NEU3: variants seen among roughly 807,000 people sequenced by gnomAD.
The protein encoded by NEU3 is sialidase-3.
NEU3 carries 10 observed loss-of-function variants against 11.4 expected under a neutral mutation model. The ratio of observed to expected loss-of-function variants is 0.88; its 90% confidence interval spans 0.54 to 1.49. NEU3 has a LOEUF of 1.49. Ranked by LOEUF, NEU3 falls within the 40% of genes most tolerant of loss-of-function variation. NEU3 has a pLI of 0.00. For missense variants in NEU3, 529 were observed against 581.8 expected (o/e 0.91, Z 0.93); for synonymous variants, 212 against 228.2 (o/e 0.93, Z 0.64).
rs1228268227 is a variant in NEU3, at chr11:75,004,244, T to C, written c.307-1169T>C. ...GTATTGTCAAGCTTTATGATTTTGC[T>C]AATTTGATAGATGTAAAGTGTTATG... On this transcript the variant is annotated intron_variant, in intron 2 of 2. Transcript: ENST00000294064. 12 of 647,484 alleles carry C rather than the reference T, an allele frequency of 1.9e-5. No homozygotes were observed. In the Admixed American group the frequency reaches 3.1e-4, roughly 17 times the overall value. 40.1% of individuals were successfully genotyped at this position (647,484 alleles called of 1,614,324 possible). A position where few individuals can be genotyped will look rare whatever the true frequency, so the allele number is the denominator to read the frequency against.
intron 2 of NEU3, chr11:75,004,442 G>A: frequency 2.1e-6 from 1 of 468,814 alleles, no homozygotes; most frequent in Non-Finnish European, 3.8e-6. Context: ...TCTCTTATGA[G>A]TGAAGCTGAA....
the NEU3 span, among the ~76,000 whole-genome samples, chr11:74,982,310 G>T: frequency 2.0e-5 from 3 of 152,150 alleles, no homozygotes; most frequent in Admixed American, 2.0e-4. Context: ...TGGTAGTGGG[G>T]GTGGAGTGCT....
At chr11:75,013,478 A>G (rs1714253225), downstream of NEU3, among the ~76,000 whole-genome samples, 1 of 152,230 alleles carries the variant, frequency 6.6e-6, no homozygotes, top group African/African-American at 2.4e-5. Flanking sequence ...GACGACCGTC[A>G]TGCCTTGCCT....
the NEU3 span, among the ~76,000 whole-genome samples, chr11:74,981,210 A>T: frequency 6.6e-6 from 1 of 152,184 alleles, no homozygotes; most frequent in Non-Finnish European, 1.5e-5. Context: ...CTCTGTGACA[A>T]ACTGTTCTGG....
chr11:75,000,369 A>G (rs923387699), intron 2 of NEU3, among the ~76,000 whole-genome samples: 5 of 152,140 alleles, frequency 3.3e-5, no homozygotes, highest in African/African-American at 1.2e-4. Context: ...GAAAGTCTAC[A>G]CCCATTAAAC....
the NEU3 span, among the ~76,000 whole-genome samples, chr11:74,982,454 C>A: frequency 2.5e-3 from 378 of 152,306 alleles, 2 homozygotes; most frequent in African/African-American, 8.7e-3. Context: ...CATGCAGGAA[C>A]ACTCAGCGTT....
intron 3 of NEU3, among the ~76,000 whole-genome samples, chr11:75,018,354 C>T (rs928803817): frequency 1.3e-5 from 2 of 151,852 alleles, no homozygotes; most frequent in African/African-American, 4.8e-5. Flanking sequence ...AGGGTGTTGC[C>T]GAAGGAGACT....
intron 2 of NEU3, among the ~76,000 whole-genome samples, chr11:75,002,430 G>T (rs192882708): frequency 6.6e-6 from 1 of 152,234 alleles, no homozygotes; most frequent in African/African-American, 2.4e-5. Context: ...AGTATAAAAA[G>T]ATATATATCT....
downstream of NEU3, among the ~76,000 whole-genome samples, chr11:75,015,306 T>G (rs1948976075): frequency 6.6e-6 from 1 of 152,202 alleles, no homozygotes; most frequent in African/African-American, 2.4e-5. Flanking sequence ...ACACCAAATC[T>G]GCTGGTAGCT....
At chr11:74,996,826 A>G (rs1341320999) in intron 2 of NEU3, among the ~76,000 whole-genome samples, 1 of 152,246 alleles carries the variant, frequency 6.6e-6, no homozygotes, top group Non-Finnish European at 1.5e-5. Context: ...AGTGGCCGTG[A>G]AAACAACATT....
chr11:74,988,078 G>A (rs1948689355), upstream of NEU3: 1 of 151,912 alleles, frequency 6.6e-6, no homozygotes, highest in South Asian at 2.1e-4. Flanking sequence ...AAAATATCAC[G>A]AATTCAAATT....
rs1291698492 is a variant in NEU3 at position 75,005,793 on chromosome 11, C to G, written c.687C>G (p.Thr229=). The change falls in exon 3 of 3, where the codon ACC becomes ACG. Residue 229 remains threonine (T), a synonymous_variant. Transcript: ENST00000294064. ...TTTGCTTCCAGCTACCATGTAAAAC[C>G]AGGCCTCATTCTCTGATGATCTACA... ...WFFCFQLPCK[T]RPHSLMIYSD... The G allele has an allele frequency of 6.2e-7, 1 of 1,613,826 alleles. No homozygotes were observed. Among genetic ancestry groups the G allele is most frequent in the African/African-American group, 1.3e-5 (1 of 74,940 alleles).
At chr11:75,020,496 C>A (rs1001424926), downstream of NEU3, among the ~76,000 whole-genome samples, 91 of 152,222 alleles carry the variant, frequency 6.0e-4, no homozygotes, top group African/African-American at 2.1e-3. Context: ...CTCTCATGAT[C>A]GTGAACAAGT....
At chr11:74,993,378 G>A (rs1948752817) in intron 1 of NEU3, among the ~76,000 whole-genome samples, 2 of 152,054 alleles carry the variant, frequency 1.3e-5, no homozygotes, top group African/African-American at 4.8e-5. Flanking sequence ...TAATTTTTTT[G>A]TATTTTTAGT....
chr11:74,984,437 G>A (rs1414315335), upstream of NEU3, among the ~76,000 whole-genome samples: 2 of 152,182 alleles, frequency 1.3e-5, no homozygotes, highest in African/African-American at 4.8e-5. Context: ...TGGAACAAAT[G>A]CTGGTACTCT....
intron 3 of NEU3, among the ~76,000 whole-genome samples, chr11:75,017,508 C>T (rs11236290): frequency 0.25 from 37,437 of 152,140 alleles, 5,633 homozygotes; most frequent in East Asian, 0.54. Context: ...TATAAGGCTG[C>T]AACTGTCAGA....
chr11:75,005,368 T>C lies in NEU3; in HGVS notation c.307-45T>C, dbSNP rs537699743. ...AATACTTTTAATGAGCTTCATGTTT[T>C]CCTATTAGTATCTCACTCCTACTTT... is the stretch of plus-strand genomic sequence containing the variant. On this transcript the variant is annotated intron_variant, in intron 2 of 2. Coordinates refer to ENST00000294064, the MANE Select transcript of NEU3 (RefSeq NM_006656.6). The C allele has an allele frequency of 2.7e-6, 4 of 1,486,362 alleles. No homozygotes were observed. The Admixed American group carries it at 7.8e-5, about 29-fold the overall frequency. 92.1% of individuals were successfully genotyped at this position (1,486,362 alleles called of 1,614,324 possible).
chr11:75,014,955 C>G (rs975273676), downstream of NEU3, among the ~76,000 whole-genome samples: 5 of 152,190 alleles, frequency 3.3e-5, no homozygotes, highest in African/African-American at 1.2e-4. Context: ...AAAGTTTAAA[C>G]CTTTGGCACA....
chr11:75,018,501 C>T (rs371079868), intron 3 of NEU3, among the ~76,000 whole-genome samples: 1 of 152,112 alleles, frequency 6.6e-6, no homozygotes, highest in Admixed American at 6.5e-5. Context: ...AGCCTCCCAG[C>T]CTACATCTTT....
Sources: gnomAD v4.1 joint callset for allele counts (sites outside exome capture counted in the v4.1 genomes callset) on GRCh38, gnomAD v4.1.1 for gene constraint, MANE v1.5 for transcripts, NCBI Gene and HGNC (gene_info 2026-07-23, HGNC 2026-07-21) for gene names.